Variants in ATP6V0A4 observed in about 807,000 individuals in gnomAD.
ATP6V0A4 encodes the protein ATPase H+ transporting V0 subunit a4.
In ATP6V0A4, 86 loss-of-function variants were observed where a neutral mutation model predicts 107.3. The observed-to-expected ratio is 0.80, with a 90% CI of 0.67 to 0.96. The LOEUF is 0.96. Among genes scored for constraint, ATP6V0A4 ranks in the 40% least tolerant of loss-of-function variants. The pLI is 0.00. For missense variants in ATP6V0A4, 908 were observed against 1,045.6 expected (o/e 0.87, Z 1.81); for synonymous variants, 353 against 381.4 (o/e 0.93, Z 0.87).
At position 138,711,101 on chromosome 7, in the gene ATP6V0A4, G is replaced by T. The variant is rs534526702; in HGVS notation, c.2258-1306C>A. 4.1e-5 allele frequency among the ~76,000 whole-genome samples: 6 copies of T among 147,574 alleles called. No individual in the cohort carries two copies. The South Asian group carries it at 1.1e-3, about 27-fold the overall frequency. ...TCCCCCCACCCCCACTTCCCTACCC[G>T]TTACCTCCTCAGCTGTTTCCCACAC... On this transcript the variant is annotated intron_variant, in intron 20 of 21. Transcript: ENST00000310018.
rs144697860 is a variant in ATP6V0A4, at chr7:138,752,773, G to A, written c.881C>T (p.Ser294Phe). The change falls in exon 11 of 22, where the codon TCC becomes TTC. Residue 294 changes from serine (S) to phenylalanine (F), a missense_variant. Transcript: ENST00000310018. Reference sequence around the variant, plus strand: ...CATCTTCTGCACCTTGATGAGCCAGGAGTGCCAGTTGGCAGCGGCTTCCTG... The same window carrying A: ...CATCTTCTGCACCTTGATGAGCCAGAAGTGCCAGTTGGCAGCGGCTTCCTG... Reference protein sequence around the residue: ...LLQEAAANWHSWLIKVQKMKA... With the variant: ...LLQEAAANWHFWLIKVQKMKA... 127 of 1,614,214 alleles carry A rather than the reference G, an allele frequency of 7.9e-5. No homozygotes were observed. The East Asian group carries it at 8.7e-4, about 11-fold the overall frequency.
chr7:138,789,824 C>T (rs1270635703), intron 1 of ATP6V0A4, among the ~76,000 whole-genome samples: 2 of 151,384 alleles, frequency 1.3e-5, no homozygotes, highest in Non-Finnish European at 2.9e-5. Flanking sequence ...ACAAAATTAG[C>T]TGGGCATGGT....
Position 138,733,127 on chromosome 7 carries a change from G to C in ATP6V0A4, c.1692-34C>G, listed in dbSNP as rs1006342056. 1.9e-6 allele frequency: 3 copies of C among 1,613,200 alleles called. No individual in the cohort carries two copies. In the African/African-American group the frequency reaches 4.0e-5, roughly 22 times the overall value. Reference sequence around the variant, plus strand: ...GGAAGACACACACATACACAAGATAGAACATCAAGGGAACGTTAGGACTTA... The same window carrying C: ...GGAAGACACACACATACACAAGATACAACATCAAGGGAACGTTAGGACTTA... On this transcript the variant is annotated intron_variant, in intron 16 of 21. Transcript: ENST00000310018.
rs113051620 is a variant in ATP6V0A4, at chr7:138,785,412, A to G, written c.-18+746T>C. The stretch of plus-strand genomic sequence containing the variant: ...TGCCTCAGCCTCTTGAGTAGCTAGG[A>G]CTACAGGTGTGCACCACCACGCCCG... On this transcript the variant is annotated intron_variant, in intron 2 of 21. Coordinates refer to ENST00000310018, the MANE Select transcript of ATP6V0A4 (RefSeq NM_020632.3). Among the ~76,000 whole-genome samples the G allele has an allele frequency of 3.6e-3, 545 of 151,934 alleles. 3 individuals are homozygous for G. Among genetic ancestry groups the G allele is most frequent in the African/African-American group, 0.013 (527 of 41,428 alleles).
At chr7:138,769,147 G>A (rs549195945) in intron 4 of ATP6V0A4, 26 bp downstream of exon 4, 116 of 1,562,116 alleles carry the variant, frequency 7.4e-5, no homozygotes, top group African/African-American at 2.4e-4. Flanking sequence ...TGAACAGTAA[G>A]AAAAAAAAAA....
intron 11 of ATP6V0A4, among the ~76,000 whole-genome samples, chr7:138,749,653 T>C (rs1029175447): frequency 2.0e-5 from 3 of 152,150 alleles, no homozygotes; most frequent in Non-Finnish European, 4.4e-5. Flanking sequence ...CTCTTCCAAA[T>C]GGCTCTGGCC....
At chr7:138,722,580 A>T (rs1216379037) in intron 18 of ATP6V0A4, among the ~76,000 whole-genome samples, 1 of 150,510 alleles carries the variant, frequency 6.6e-6, no homozygotes, top group African/African-American at 2.4e-5. Flanking sequence ...CCCCGTCTCT[A>T]TTAAAAATAC....
chr7:138,768,992 A>C (rs1807230463), intron 4 of ATP6V0A4, 118 bp from the exon 5 acceptor site: 3 of 1,571,110 alleles, frequency 1.9e-6, no homozygotes, highest in Admixed American at 3.8e-5. Context: ...TTGTCCTAGG[A>C]GCTGCCACAG....
chr7:138,778,970 T>C (rs1055743014), intron 2 of ATP6V0A4, among the ~76,000 whole-genome samples: 1 of 152,032 alleles, frequency 6.6e-6, no homozygotes, highest in African/African-American at 2.4e-5. Context: ...GCAGCAGAGA[T>C]CTCGTGAATA....
intron 21 of ATP6V0A4, among the ~76,000 whole-genome samples, chr7:138,707,196 T>TA (rs1803446046): frequency 1.7e-5 from 1 of 59,668 alleles, no homozygotes; most frequent in African/African-American, 8.6e-5. Context: ...ATTATATATA[T>TA]TATATAATAT....
intron 2 of ATP6V0A4, among the ~76,000 whole-genome samples, chr7:138,783,014 G>A (rs1807992518): frequency 6.6e-6 from 1 of 152,122 alleles, no homozygotes; most frequent in South Asian, 2.1e-4. Flanking sequence ...GGCGGAGGTT[G>A]CAGTGAGCCG....
In ATP6V0A4 at chr7:138,706,504, A is replaced by T; in HGVS notation, c.*120T>A. The T allele has an allele frequency of 8.3e-7, 1 of 1,208,474 alleles. No individual in the cohort carries two copies. The highest frequency in any genetic ancestry group is 1.2e-6 in the Non-Finnish European group (1 of 843,016). 74.9% of individuals were successfully genotyped at this position (1,208,474 alleles called of 1,614,324 possible). On this transcript the variant is annotated 3_prime_UTR_variant, in exon 22 of 22. Coordinates refer to ENST00000310018, the MANE Select transcript of ATP6V0A4 (RefSeq NM_020632.3). ...TGACGTCCAAATAATACACAGTTTC[A>T]TGCTTCAGGTGAGCCAAGAACAACC...
chr7:138,790,383 T>G (rs1808356646), intron 1 of ATP6V0A4, among the ~76,000 whole-genome samples: 1 of 152,172 alleles, frequency 6.6e-6, no homozygotes, highest in African/African-American at 2.4e-5. Context: ...AACCTCTGCC[T>G]CTTGGGTTCA....
At position 138,756,117 on chromosome 7, in the gene ATP6V0A4, G is replaced by C. The variant is rs146869145; in HGVS notation, c.723-335C>G. On this transcript the variant is annotated intron_variant, in intron 9 of 21. Coordinates refer to ENST00000310018, the MANE Select transcript of ATP6V0A4 (RefSeq NM_020632.3). Reference sequence around the variant, plus strand: ...ATATCCTCTGCACTGAGTCATTTCTGCTTCTATGGAGCTACATGTAACACG... The same window carrying C: ...ATATCCTCTGCACTGAGTCATTTCTCCTTCTATGGAGCTACATGTAACACG... The C allele has an allele frequency of 5.1e-4, 266 of 517,226 alleles. 2 individuals are homozygous for C. Among genetic ancestry groups the C allele is most frequent in the African/African-American group, 4.8e-3 (249 of 52,226 alleles). 32.0% of individuals were successfully genotyped at this position (517,226 alleles called of 1,614,324 possible). A position where few individuals can be genotyped will look rare whatever the true frequency, so the allele number is the denominator to read the frequency against.
At chr7:138,711,283 T>G (rs1280774069) in intron 20 of ATP6V0A4, among the ~76,000 whole-genome samples, 1 of 152,172 alleles carries the variant, frequency 6.6e-6, no homozygotes, top group Non-Finnish European at 1.5e-5. Context: ...GACTCGTAGC[T>G]GAGCCCGTGT....
At chr7:138,781,645 A>G (rs1423724607) in intron 2 of ATP6V0A4, among the ~76,000 whole-genome samples, 5 of 150,716 alleles carry the variant, frequency 3.3e-5, no homozygotes, top group African/African-American at 1.2e-4. Flanking sequence ...CAGATTTTCT[A>G]TACAGGCAAT....
intron 15 of ATP6V0A4, among the ~76,000 whole-genome samples, chr7:138,734,845 T>C (rs1805228030): frequency 6.6e-6 from 1 of 150,834 alleles, no homozygotes; most frequent in African/African-American, 2.4e-5. Flanking sequence ...CAAACTTGCC[T>C]CAGTTTCCTT....
At chr7:138,732,167 T>C (rs1184087388) in intron 17 of ATP6V0A4, among the ~76,000 whole-genome samples, 1 of 152,172 alleles carries the variant, frequency 6.6e-6, no homozygotes, top group Admixed American at 6.5e-5. Flanking sequence ...ATTTCAATTA[T>C]TATTCTTGTT....
At chr7:138,771,671 G>A (rs1807397208) in intron 2 of ATP6V0A4, among the ~76,000 whole-genome samples, 1 of 151,836 alleles carries the variant, frequency 6.6e-6, no homozygotes, top group South Asian at 2.1e-4. Context: ...CCAGGCTGGA[G>A]TGCAGTGGCA....
Sources: gnomAD v4.1 joint callset for allele counts (sites outside exome capture counted in the v4.1 genomes callset) on GRCh38, gnomAD v4.1.1 for gene constraint, MANE v1.5 for transcripts, NCBI Gene and HGNC (gene_info 2026-07-23, HGNC 2026-07-21) for gene names.